NAV2: variants seen among roughly 807,000 people sequenced by gnomAD.
NAV2 encodes neuron navigator 2.
A neutral mutation model predicts 223.2 loss-of-function variants in NAV2; 54 were observed. The observed-to-expected ratio is 0.24, with a 90% CI of 0.19 to 0.30. The LOEUF (loss-of-function observed/expected upper bound fraction) is 0.30, where lower values mean the gene tolerates loss of function less well. Among genes scored for constraint, NAV2 ranks in the 10% least tolerant of loss-of-function variants. NAV2 has a pLI of 1.00. For synonymous variants in NAV2, 1,279 were observed against 1,239.3 expected (o/e 1.03, Z -0.67); for missense variants, 2,806 against 3,147.5 (o/e 0.89, Z 2.60).
At chr11:19,373,384 A>C (rs1848536290) in intron 1 of NAV2, among the ~76,000 whole-genome samples, 1 of 151,232 alleles carries the variant, frequency 6.6e-6, no homozygotes, top group African/African-American at 2.4e-5. Flanking sequence ...CTTCTCTTTC[A>C]CTCTCCCTTT....
intron 1 of NAV2, among the ~76,000 whole-genome samples, chr11:19,396,742 G>T (rs1180654508): frequency 6.6e-6 from 1 of 152,140 alleles, no homozygotes; most frequent in Non-Finnish European, 1.5e-5. Context: ...TATTTGGAGT[G>T]GGATCCAGAT....
At chr11:19,467,593 G>T (rs565429426) in intron 1 of NAV2, among the ~76,000 whole-genome samples, 12 of 152,328 alleles carry the variant, frequency 7.9e-5, no homozygotes, top group East Asian at 7.7e-4. Context: ...TAAGTTAAAG[G>T]TAACTGATGC....
chr11:19,696,182 A>T (rs899347183), intron 1 of NAV2, among the ~76,000 whole-genome samples: 6 of 152,258 alleles, frequency 3.9e-5, no homozygotes, highest in Non-Finnish European at 8.8e-5. Flanking sequence ...AAAATAAAAA[A>T]AATAAACTGG....
intron 1 of NAV2, among the ~76,000 whole-genome samples, chr11:19,767,505 A>T (rs2152565729): frequency 6.6e-6 from 1 of 152,354 alleles, no homozygotes; most frequent in African/African-American, 2.4e-5. Flanking sequence ...GAATAATGAA[A>T]GTCCTTGCAA....
At chr11:19,556,024 C>T (rs1216982657) in intron 1 of NAV2, among the ~76,000 whole-genome samples, 1 of 152,188 alleles carries the variant, frequency 6.6e-6, no homozygotes, top group Non-Finnish European at 1.5e-5. Context: ...CTTCCCTCCT[C>T]CTTTCAAAGC....
intron 1 of NAV2, among the ~76,000 whole-genome samples, chr11:19,690,965 C>T (rs185311515): frequency 1.2e-3 from 177 of 152,356 alleles, no homozygotes; most frequent in Non-Finnish European, 2.2e-3. Context: ...TCAAAGCTGA[C>T]CTGGTTGTCA....
chr11:19,916,838 G>T (rs2043849326), intron 6 of NAV2, among the ~76,000 whole-genome samples: 1 of 152,256 alleles, frequency 6.6e-6, no homozygotes, highest in African/African-American at 2.4e-5. Context: ...TTGGCCTTCA[G>T]GCCCAGGCTT....
At chr11:19,918,396 A>G (rs2043986168) in intron 6 of NAV2, among the ~76,000 whole-genome samples, 1 of 152,230 alleles carries the variant, frequency 6.6e-6, no homozygotes, top group Non-Finnish European at 1.5e-5. Flanking sequence ...AAATTTGGGG[A>G]AAAAATGAGA....
intron 4 of NAV2, among the ~76,000 whole-genome samples, chr11:19,869,935 G>A (rs187941118): frequency 4.4e-4 from 67 of 152,306 alleles, no homozygotes; most frequent in African/African-American, 1.5e-3. Flanking sequence ...TCTGCTACAC[G>A]GTGAAAGCTT....
At chr11:19,563,229 C>T (rs1390177749) in intron 1 of NAV2, among the ~76,000 whole-genome samples, 2 of 152,236 alleles carry the variant, frequency 1.3e-5, no homozygotes, top group East Asian at 1.9e-4. Context: ...GAATTTCCCA[C>T]GCCTGCCCAA....
chr11:19,816,222 A>G (rs1430256811), intron 1 of NAV2, among the ~76,000 whole-genome samples: 1 of 152,242 alleles, frequency 6.6e-6, no homozygotes, highest in Non-Finnish European at 1.5e-5. Flanking sequence ...CGAGAAAGGA[A>G]TGAGGCTCCC....
chr11:19,441,845 AAG>A (rs1282043125), intron 1 of NAV2, among the ~76,000 whole-genome samples: 1 of 152,190 alleles, frequency 6.6e-6, no homozygotes, highest in Non-Finnish European at 1.5e-5. Context: ...GCTGGCTTGA[AAG>A]CAAGCATTAG....
At chr11:19,739,719 C>T (rs1199715362) in intron 1 of NAV2, among the ~76,000 whole-genome samples, 1 of 152,114 alleles carries the variant, frequency 6.6e-6, no homozygotes, top group Non-Finnish European at 1.5e-5. Context: ...AGTTTATAAT[C>T]CCTAGCTAAA....
intron 1 of NAV2, among the ~76,000 whole-genome samples, chr11:19,497,700 C>T (rs1224839686): frequency 3.3e-5 from 5 of 151,868 alleles, no homozygotes; most frequent in Admixed American, 6.6e-5. Flanking sequence ...CAGGTGAGCC[C>T]GCCACCTGAA....
intron 1 of NAV2, among the ~76,000 whole-genome samples, chr11:19,748,424 A>C (rs982186796): frequency 6.6e-6 from 1 of 152,216 alleles, no homozygotes; most frequent in Non-Finnish European, 1.5e-5. Context: ...TGGAAGTGTC[A>C]CAATCTAGGC....
chr11:19,883,182 AC>A (rs1210520604), intron 5 of NAV2, among the ~76,000 whole-genome samples: 1 of 152,134 alleles, frequency 6.6e-6, no homozygotes, highest in Non-Finnish European at 1.5e-5. Context: ...TAGGTTCAGC[AC>A]CCCTGGGGGG....
At chr11:19,730,466 G>A (rs2051663353) in intron 1 of NAV2, among the ~76,000 whole-genome samples, 3 of 152,350 alleles carry the variant, frequency 2.0e-5, no homozygotes, top group Admixed American at 2.0e-4. Context: ...ATGACAATGG[G>A]CCTGTTGGGG....
intron 1 of NAV2, among the ~76,000 whole-genome samples, chr11:19,420,042 G>A (rs1850544676): frequency 6.6e-6 from 1 of 152,172 alleles, no homozygotes; most frequent in South Asian, 2.1e-4. Context: ...GAGGTCCTCT[G>A]AGTCAGTCTA....
At chr11:19,398,963 G>T (rs1317462305) in intron 1 of NAV2, among the ~76,000 whole-genome samples, 1 of 152,170 alleles carries the variant, frequency 6.6e-6, no homozygotes, top group African/African-American at 2.4e-5. Context: ...TTTTCCCAGG[G>T]CTTTAATAAT....
Sources: allele counts gnomAD v4.1 joint callset (sites outside exome capture counted in the v4.1 genomes callset), GRCh38; gene constraint gnomAD v4.1.1; transcripts MANE v1.5; gene names NCBI Gene and HGNC (gene_info 2026-07-23, HGNC 2026-07-21).